Variants in AP1S3 observed in about 807,000 individuals in gnomAD.
AP1S3 encodes the protein adaptor related protein complex 1 subunit sigma 3, also known as AP-1 complex subunit sigma-3.
Under a neutral mutation model 20.9 loss-of-function variants are expected in AP1S3, and 10 were observed. That is an observed-to-expected ratio of 0.48 (90% CI 0.29 to 0.81). The LOEUF (loss-of-function observed/expected upper bound fraction) is 0.81. Among genes scored for constraint, AP1S3 ranks in the 30% least tolerant of loss-of-function variants. The probability of loss-of-function intolerance (pLI) is 0.08; values close to 1 mark genes in which losing one functional copy is unlikely to be tolerated. For missense variants in AP1S3, 154 were observed against 183.8 expected, an observed-to-expected ratio of 0.84 and a Z score of 0.94; for synonymous variants, 41 against 61.5, an observed-to-expected ratio of 0.67 and a Z score of 1.56.
intron 1 of AP1S3, among the ~76,000 whole-genome samples, chr2:223,809,280 T>C (rs1020404125): frequency 1.3e-5 from 2 of 152,174 alleles, no homozygotes; most frequent in Non-Finnish European, 2.9e-5. Flanking sequence ...GCACCAGCTA[T>C]GCCTTCTGCT....
intron 1 of AP1S3, among the ~76,000 whole-genome samples, chr2:223,831,892 C>T (rs1031514512): frequency 7.2e-5 from 11 of 151,974 alleles, no homozygotes; most frequent in Non-Finnish European, 1.5e-4. Context: ...CTGGCTAACA[C>T]GGTGAAACCC....
chr2:223,755,345 A>C lies in AP1S3; in HGVS notation c.*3370T>G, dbSNP rs1364683789. On this transcript the variant is annotated 3_prime_UTR_variant, in exon 5 of 5. Transcript: ENST00000396654. ...ACCAAGTTCCTCATTAAAACATGTTAAAACATTTTATTTTGGAAGTTTTAT... is the reference window on the plus strand; with the variant it reads ...ACCAAGTTCCTCATTAAAACATGTTCAAACATTTTATTTTGGAAGTTTTAT... Among the ~76,000 whole-genome samples the C allele has an allele frequency of 6.6e-6, 1 of 152,192 alleles. No homozygotes were observed. The highest frequency in any genetic ancestry group is 1.5e-5 in the Non-Finnish European group (1 of 68,040).
At chr2:223,817,513 CAGG>C (rs1691872265) in intron 1 of AP1S3, among the ~76,000 whole-genome samples, 1 of 148,102 alleles carries the variant, frequency 6.8e-6, no homozygotes, top group Non-Finnish European at 1.5e-5. Flanking sequence ...GAGGCTGAGG[CAGG>C]AGAATTGCTT....
intron 1 of AP1S3, among the ~76,000 whole-genome samples, chr2:223,812,054 A>G (rs7605287): frequency 0.33 from 50,486 of 152,110 alleles, 8,771 homozygotes; most frequent in Middle Eastern, 0.43. Context: ...TATTCTTCAA[A>G]ATATTGGAAT....
intron 1 of AP1S3, among the ~76,000 whole-genome samples, chr2:223,779,254 T>G (rs569322565): frequency 1.3e-5 from 2 of 152,286 alleles, no homozygotes; most frequent in South Asian, 4.1e-4. Flanking sequence ...CTTGAAAACC[T>G]TGGAAGGTAC....
chr2:223,836,367 C>T (rs545972488), intron 1 of AP1S3, among the ~76,000 whole-genome samples: 1 of 152,244 alleles, frequency 6.6e-6, no homozygotes, highest in Admixed American at 6.5e-5. Context: ...ATCAGCAGGG[C>T]TGCGGCCGGC....
At chr2:223,773,488 T>C in intron 3 of AP1S3, 2 of 925,188 alleles carry the variant, frequency 2.2e-6, no homozygotes, top group Non-Finnish European at 1.5e-6. Context: ...AAACTTGGTA[T>C]ACCAAGAGGA....
chr2:223,820,166 A>T (rs999996387), intron 1 of AP1S3, among the ~76,000 whole-genome samples: 19 of 134,320 alleles, frequency 1.4e-4, no homozygotes, highest in Admixed American at 2.9e-4. Flanking sequence ...CACTTTTAAA[A>T]GGTTTTTTTT....
intron 1 of AP1S3, among the ~76,000 whole-genome samples, chr2:223,781,880 C>T (rs1410013019): frequency 6.6e-6 from 1 of 152,138 alleles, no homozygotes; most frequent in African/African-American, 2.4e-5. Context: ...CTTCCTCCAC[C>T]TAACCTAAAT....
chr2:223,795,855 T>C (rs1332308532), intron 1 of AP1S3, among the ~76,000 whole-genome samples: 1 of 152,046 alleles, frequency 6.6e-6, no homozygotes, highest in African/African-American at 2.4e-5. Context: ...AGAATGAGCA[T>C]TCAGTAAATG....
intron 1 of AP1S3, among the ~76,000 whole-genome samples, chr2:223,794,557 T>C (rs2106105857): frequency 6.6e-6 from 1 of 152,306 alleles, no homozygotes; most frequent in East Asian, 1.9e-4. Context: ...CTGACAGGTT[T>C]AACAGTTCTC....
rs1156680427 is a variant in AP1S3 at position 223,756,165 on chromosome 2, C to A, written c.*2550G>T. The A allele has an allele frequency of 2.3e-6, 1 of 439,336 alleles. No individual in the cohort carries two copies. Among genetic ancestry groups the A allele is most frequent in the Non-Finnish European group, 3.0e-6 (1 of 331,624 alleles). 27.2% of individuals were successfully genotyped at this position (439,336 alleles called of 1,614,324 possible). On this transcript the variant is annotated 3_prime_UTR_variant, in exon 5 of 5. Coordinates refer to ENST00000396654, the MANE Select transcript of AP1S3 (RefSeq NM_001039569.2). ...CCAGCCTGACCAACATGGAGAAATCCCAACTCTACCAAAAATACAAAATTA... is the reference window on the plus strand; with the variant it reads ...CCAGCCTGACCAACATGGAGAAATCACAACTCTACCAAAAATACAAAATTA...
At chr2:223,832,791 A>AT (rs964915590) in intron 1 of AP1S3, among the ~76,000 whole-genome samples, 1 of 143,876 alleles carries the variant, frequency 7.0e-6, no homozygotes, top group East Asian at 2.1e-4. Flanking sequence ...GAACAAAGGA[A>AT]TTTTTTTTCT....
At position 223,755,670 on chromosome 2, in the gene AP1S3, A is replaced by G; in HGVS notation, c.*3045T>C. ...CTCAGCCTCCTGAGTAGCTGGCACT[A>G]CAAGCATGTGCCACCACACTTGGCT... On this transcript the variant is annotated 3_prime_UTR_variant, in exon 5 of 5. Transcript: ENST00000396654. 1 of 186,178 alleles carries G rather than the reference A, an allele frequency of 5.4e-6. No homozygotes were observed. Among genetic ancestry groups the G allele is most frequent in the Non-Finnish European group, 1.0e-5 (1 of 99,456 alleles). The allele number at this position is 186,178 out of a possible 1,614,324, so 11.5% of individuals were successfully genotyped here.
intron 1 of AP1S3, among the ~76,000 whole-genome samples, chr2:223,818,121 T>C (rs1315519162): frequency 1.3e-5 from 2 of 150,276 alleles, no homozygotes; most frequent in African/African-American, 2.5e-5. Flanking sequence ...TCTATACTTC[T>C]ATAAAAAATG....
intron 1 of AP1S3, among the ~76,000 whole-genome samples, chr2:223,806,909 AT>A (rs1285058136): frequency 1.3e-5 from 2 of 152,082 alleles, no homozygotes; most frequent in Non-Finnish European, 2.9e-5. Flanking sequence ...TTTTTTCTAA[AT>A]TTTCTACAAT....
rs188819955 is a variant in AP1S3, at chr2:223,760,648, A to G, written c.430-1898T>C. ...GGGCCATGCTGGTTTTATGGAATCT[A>G]GAGTTTACACCATTTACATGGGAAT... On this transcript the variant is annotated intron_variant, in intron 4 of 4. Transcript: ENST00000396654. 3.2e-4 allele frequency among the ~76,000 whole-genome samples: 49 copies of G among 152,078 alleles called. No homozygotes were observed. In the East Asian group the frequency reaches 8.8e-3, roughly 27 times the overall value.
chr2:223,823,703 A>C (rs1692050136), intron 1 of AP1S3, among the ~76,000 whole-genome samples: 1 of 152,212 alleles, frequency 6.6e-6, no homozygotes, highest in African/African-American at 2.4e-5. Flanking sequence ...AAAACAATGT[A>C]TTATATACTT....
At chr2:223,821,936 A>T (rs1691996150) in intron 1 of AP1S3, among the ~76,000 whole-genome samples, 1 of 152,080 alleles carries the variant, frequency 6.6e-6, no homozygotes, top group Non-Finnish European at 1.5e-5. Context: ...TCATTTGACA[A>T]CCAAAGACAA....
Sources: gnomAD v4.1 joint callset for allele counts (sites outside exome capture counted in the v4.1 genomes callset) on GRCh38, gnomAD v4.1.1 for gene constraint, MANE v1.5 for transcripts, NCBI Gene and HGNC (gene_info 2026-07-23, HGNC 2026-07-21) for gene names.